Variants in ELMO1 observed in about 807,000 individuals in gnomAD.
ELMO1 encodes engulfment and cell motility 1.
In ELMO1, 26 loss-of-function variants were observed where a neutral mutation model predicts 98.9. The ratio of observed to expected loss-of-function variants is 0.26; its 90% CI spans 0.19 to 0.36. ELMO1 has a LOEUF of 0.36. Among genes scored for constraint, ELMO1 ranks in the 10% least tolerant of loss-of-function variants. The probability of loss-of-function intolerance (pLI) is 1.00; values close to 1 mark genes in which losing one functional copy is unlikely to be tolerated. For missense variants in ELMO1, 627 were observed against 935.2 expected (o/e 0.67, Z 4.30); for synonymous variants, 346 against 346.0 (o/e 1.00, Z 0.00).
At chr7:36,953,067 G>A (rs1264829500) in intron 16 of ELMO1, among the ~76,000 whole-genome samples, 2 of 142,652 alleles carry the variant, frequency 1.4e-5, no homozygotes, top group Admixed American at 7.5e-5. Context: ...CCGGGTTCAC[G>A]CCATTCTCCT....
chr7:37,127,685 A>G (rs917632201), intron 14 of ELMO1, among the ~76,000 whole-genome samples: 1 of 152,172 alleles, frequency 6.6e-6, no homozygotes, highest in African/African-American at 2.4e-5. Context: ...CATTATCCTG[A>G]GATCACCCTA....
intron 4 of ELMO1, among the ~76,000 whole-genome samples, chr7:37,279,237 T>C (rs1797013353): frequency 6.8e-6 from 1 of 146,998 alleles, no homozygotes; most frequent in Non-Finnish European, 1.5e-5. Context: ...ACAAAAAGTG[T>C]GTGAGGGCTA....
At chr7:37,263,031 T>C (rs867184610) in intron 5 of ELMO1, among the ~76,000 whole-genome samples, 5 of 152,334 alleles carry the variant, frequency 3.3e-5, no homozygotes, top group African/African-American at 9.6e-5. Flanking sequence ...CAAAATATTA[T>C]GTCAAACTGG....
intron 1 of ELMO1, among the ~76,000 whole-genome samples, chr7:37,436,566 TG>T (rs1193697716): frequency 2.0e-5 from 3 of 152,242 alleles, no homozygotes; most frequent in African/African-American, 7.2e-5. Flanking sequence ...AGTGTCTAGA[TG>T]AAGGTTTCTC....
intron 4 of ELMO1, among the ~76,000 whole-genome samples, chr7:37,281,227 G>T (rs1330746214): frequency 1.3e-5 from 2 of 151,680 alleles, no homozygotes; most frequent in African/African-American, 4.8e-5. Context: ...TGGGGACTTG[G>T]GGGGAAGAGC....
At chr7:37,441,167 C>A (rs749818516) in intron 1 of ELMO1, among the ~76,000 whole-genome samples, 1 of 149,408 alleles carries the variant, frequency 6.7e-6, no homozygotes, top group Non-Finnish European at 1.5e-5. Flanking sequence ...ACACAAAGGG[C>A]GGAAGGAAGG....
At chr7:37,035,087 G>A (rs749217412) in intron 15 of ELMO1, among the ~76,000 whole-genome samples, 2 of 152,110 alleles carry the variant, frequency 1.3e-5, no homozygotes, top group Non-Finnish European at 2.9e-5. Context: ...ATTCCTTGGT[G>A]GCATTTTCCA....
intron 1 of ELMO1, among the ~76,000 whole-genome samples, chr7:37,447,863 T>C (rs986649317): frequency 8.6e-5 from 13 of 151,576 alleles, no homozygotes; most frequent in Admixed American, 3.3e-4. Flanking sequence ...ACTCCGGCGA[T>C]CGCAGTCGCC....
In ELMO1 at chr7:36,992,387, G is replaced by A. The variant is rs141702230; in HGVS notation, c.1437+20912C>T. On this transcript the variant is annotated intron_variant, in intron 16 of 21. Transcript: ENST00000310758. ...AACATGATGCATCTCTGATCATGCT[G>A]AAAGCCTTCAAAGGGATAGTTGGTG... Among the ~76,000 whole-genome samples the A allele has an allele frequency of 2.0e-5, 3 of 152,344 alleles. No individual in the cohort carries two copies. The East Asian group carries it at 5.8e-4, about 29-fold the overall frequency.
At chr7:36,973,265 C>T (rs191672557) in intron 16 of ELMO1, among the ~76,000 whole-genome samples, 114 of 152,296 alleles carry the variant, frequency 7.5e-4, no homozygotes, top group South Asian at 6.6e-3. Flanking sequence ...CCTCCTGGAG[C>T]GAGACTGCTG....
At chr7:37,016,328 C>T (rs551577073) in intron 15 of ELMO1, among the ~76,000 whole-genome samples, 48 of 152,044 alleles carry the variant, frequency 3.2e-4, no homozygotes, top group Non-Finnish European at 5.1e-4. Context: ...TTGTAACAAC[C>T]CTGGAAGGTA....
intron 15 of ELMO1, among the ~76,000 whole-genome samples, chr7:37,065,029 T>C (rs2129218265): frequency 6.6e-6 from 1 of 152,308 alleles, no homozygotes; most frequent in African/African-American, 2.4e-5. Flanking sequence ...GTGATTTATG[T>C]TGGAGTGTCT....
At chr7:36,860,657 C>T (rs1802556443) in intron 21 of ELMO1, among the ~76,000 whole-genome samples, 1 of 152,098 alleles carries the variant, frequency 6.6e-6, no homozygotes, top group Non-Finnish European at 1.5e-5. Flanking sequence ...AATATGGTGG[C>T]CTGTGTAGAA....
chr7:36,999,100 G>A (rs1479207304), intron 16 of ELMO1, among the ~76,000 whole-genome samples: 1 of 152,030 alleles, frequency 6.6e-6, no homozygotes, highest in Non-Finnish European at 1.5e-5. Context: ...CCATCCCCGG[G>A]GCCACAGCAT....
chr7:37,350,239 G>A (rs531689886), intron 1 of ELMO1, among the ~76,000 whole-genome samples: 2 of 152,338 alleles, frequency 1.3e-5, no homozygotes, highest in South Asian at 4.2e-4. Flanking sequence ...ACAGAGAATG[G>A]AATCCAGTGT....
At chr7:37,071,927 A>T (rs1471297308) in intron 15 of ELMO1, among the ~76,000 whole-genome samples, 1 of 151,918 alleles carries the variant, frequency 6.6e-6, no homozygotes, top group Non-Finnish European at 1.5e-5. Flanking sequence ...CACAATATAT[A>T]TAATATTAGT....
At chr7:37,341,724 A>G (rs1191196893) in intron 2 of ELMO1, among the ~76,000 whole-genome samples, 1 of 152,244 alleles carries the variant, frequency 6.6e-6, no homozygotes, top group African/African-American at 2.4e-5. Flanking sequence ...ATTGTAAATC[A>G]TAATTGTAAA....
intron 16 of ELMO1, among the ~76,000 whole-genome samples, chr7:36,950,129 C>T (rs543848804): frequency 7.1e-4 from 96 of 135,952 alleles, no homozygotes; most frequent in African/African-American, 2.3e-3. Flanking sequence ...TAAACAGACA[C>T]AGAAAACAAG....
chr7:37,380,643 A>G (rs562977993), intron 1 of ELMO1, among the ~76,000 whole-genome samples: 15 of 152,372 alleles, frequency 9.8e-5, no homozygotes, highest in Non-Finnish European at 1.8e-4. Context: ...TGAATTTGCC[A>G]ACACTAAATG....
Sources: allele counts gnomAD v4.1 joint callset (sites outside exome capture counted in the v4.1 genomes callset), GRCh38; gene constraint gnomAD v4.1.1; transcripts MANE v1.5; gene names NCBI Gene and HGNC (gene_info 2026-07-23, HGNC 2026-07-21).